SUPT3H: variants seen among roughly 807,000 people sequenced by gnomAD.
SUPT3H encodes the protein transcription initiation protein SPT3 homolog.
Under a neutral mutation model 44.3 loss-of-function variants are expected in SUPT3H, and 44 were observed. The ratio of observed to expected loss-of-function variants is 0.99; its 90% confidence interval spans 0.78 to 1.28. SUPT3H has a LOEUF of 1.28. Among genes scored for constraint, SUPT3H ranks in the 50% most tolerant of loss-of-function variants. The pLI, the probability that SUPT3H is intolerant of heterozygous loss-of-function variation, is 0.00. For missense variants in SUPT3H, 380 were observed against 387.1 expected (o/e 0.98, Z 0.15); for synonymous variants, 124 against 125.6 (o/e 0.99, Z 0.09).
At chr6:45,036,882 GA>G (rs1286963743) in intron 3 of SUPT3H, among the ~76,000 whole-genome samples, 1 of 152,108 alleles carries the variant, frequency 6.6e-6, no homozygotes, top group Non-Finnish European at 1.5e-5. Context: ...CAGAATAGAG[GA>G]AGTCCCCAAG....
At chr6:45,081,820 T>C (rs1303703089) in intron 3 of SUPT3H, among the ~76,000 whole-genome samples, 1 of 152,014 alleles carries the variant, frequency 6.6e-6, no homozygotes, top group African/African-American at 2.4e-5. Context: ...CAGAAACAAT[T>C]CTAAAAGAAC....
At chr6:45,271,751 A>G (rs1776206004) in intron 2 of SUPT3H, among the ~76,000 whole-genome samples, 1 of 152,190 alleles carries the variant, frequency 6.6e-6, no homozygotes, top group Non-Finnish European at 1.5e-5. Flanking sequence ...TGACAGATGC[A>G]TGGACACCTT....
intron 2 of SUPT3H, among the ~76,000 whole-genome samples, chr6:45,305,943 G>C (rs1239628126): frequency 6.6e-6 from 1 of 152,162 alleles, no homozygotes; most frequent in Non-Finnish European, 1.5e-5. Context: ...CTATCACACA[G>C]AGCTAGGCCC....
intron 2 of SUPT3H, among the ~76,000 whole-genome samples, chr6:45,341,106 A>T (rs1789681226): frequency 6.6e-6 from 1 of 152,194 alleles, no homozygotes; most frequent in African/African-American, 2.4e-5. Context: ...CTAAGAAGTA[A>T]ATCCTTGACA....
intron 2 of SUPT3H, among the ~76,000 whole-genome samples, chr6:45,243,039 C>CA (rs1237316004): frequency 3.3e-5 from 5 of 151,552 alleles, no homozygotes; most frequent in Non-Finnish European, 7.4e-5. Context: ...ACTAAAAATA[C>CA]AAAAATTAGC....
At chr6:45,228,561 A>T (rs1489824851) in intron 2 of SUPT3H, among the ~76,000 whole-genome samples, 1 of 152,180 alleles carries the variant, frequency 6.6e-6, no homozygotes, top group East Asian at 1.9e-4. Flanking sequence ...TCTTTATAAT[A>T]AATCTCTTTC....
intron 10 of SUPT3H, among the ~76,000 whole-genome samples, chr6:44,884,060 A>G (rs928283709): frequency 3.3e-5 from 5 of 152,232 alleles, no homozygotes; most frequent in Non-Finnish European, 7.3e-5. Context: ...GAAACTCATC[A>G]GAGTGAACAG....
chr6:45,285,472 G>A (rs527871905), intron 2 of SUPT3H, among the ~76,000 whole-genome samples: 2,192 of 151,866 alleles, frequency 0.014, 28 homozygotes, highest in Non-Finnish European at 0.022. Context: ...GAGCCAAATC[G>A]TGAGTGAACT....
intron 2 of SUPT3H, among the ~76,000 whole-genome samples, chr6:45,199,797 A>C (rs1762186126): frequency 6.6e-6 from 1 of 151,478 alleles, no homozygotes; most frequent in Admixed American, 6.6e-5. Flanking sequence ...TTCATAATTC[A>C]GAAATGTTTT....
At chr6:45,227,668 C>A (rs966635263) in intron 2 of SUPT3H, among the ~76,000 whole-genome samples, 1 of 152,110 alleles carries the variant, frequency 6.6e-6, no homozygotes, top group Non-Finnish European at 1.5e-5. Context: ...ACTGGTTTCC[C>A]AGTGAGACAG....
intron 10 of SUPT3H, among the ~76,000 whole-genome samples, chr6:44,885,298 C>T (rs572790220): frequency 5.3e-5 from 8 of 151,860 alleles, no homozygotes; most frequent in Admixed American, 6.6e-5. Context: ...GATCTGAGAA[C>T]GGGCAGACTG....
In SUPT3H at chr6:45,337,696, A is replaced by G. The variant is rs1788868500; in HGVS notation, c.101+27505T>C. The stretch of plus-strand genomic sequence containing the variant: ...GCAAAACATTTTGAATGTATTTATA[A>G]TATGATACACTTCTAGAAGCCATGA... On this transcript the variant is annotated intron_variant, in intron 2 of 10. Coordinates refer to ENST00000371459, the MANE Select transcript of SUPT3H (RefSeq NM_003599.4). Among the ~76,000 whole-genome samples the G allele has an allele frequency of 2.0e-5, 3 of 151,866 alleles. No individual in the cohort carries two copies. The South Asian group carries it at 6.2e-4, about 31-fold the overall frequency.
intron 10 of SUPT3H, among the ~76,000 whole-genome samples, chr6:44,880,941 G>A (rs1312703371): frequency 5.3e-5 from 8 of 152,056 alleles, no homozygotes; most frequent in Admixed American, 2.6e-4. Context: ...ATATGGAAAG[G>A]AACAACCAGT....
intron 3 of SUPT3H, among the ~76,000 whole-genome samples, chr6:45,091,749 C>A (rs1797148045): frequency 6.6e-6 from 1 of 151,876 alleles, no homozygotes; most frequent in Admixed American, 6.6e-5. Context: ...TCCCTTAATT[C>A]CTTAAGGATA....
In SUPT3H at chr6:45,068,977, C is replaced by CAA. The variant is rs367995110; in HGVS notation, c.186+36943_186+36944dup. ...TGCTTGCTTGTGGAGTTTTACTTTG[C>CAA]AAAAAAAAAAAAATAAAAAAAATAA... On this transcript the variant is annotated intron_variant, in intron 3 of 10. Coordinates refer to ENST00000371459, the MANE Select transcript of SUPT3H (RefSeq NM_003599.4). 6.0e-3 allele frequency among the ~76,000 whole-genome samples: 670 copies of CAA among 111,146 alleles called. 6 individuals carry two copies. The highest frequency in any genetic ancestry group is 6.0e-3 in the Non-Finnish European group (309 of 51,330). 72.9% of individuals were successfully genotyped at this position (111,146 alleles called of 152,430 possible).
At chr6:45,328,402 TG>T (rs1397673848) in intron 2 of SUPT3H, 1 of 1,415,852 alleles carries the variant, frequency 7.1e-7, no homozygotes, top group Admixed American at 1.9e-5. Context: ...AAGAAGTCTC[TG>T]GTTTTTAAAT....
At chr6:45,224,991 A>G (rs1260522190) in intron 2 of SUPT3H, among the ~76,000 whole-genome samples, 1 of 152,066 alleles carries the variant, frequency 6.6e-6, no homozygotes, top group Non-Finnish European at 1.5e-5. Flanking sequence ...CTAAAAATAT[A>G]CAATCTGCCA....
intron 1 of SUPT3H, among the ~76,000 whole-genome samples, chr6:45,365,747 T>G (rs1224574133): frequency 1.3e-5 from 2 of 150,444 alleles, no homozygotes; most frequent in African/African-American, 4.9e-5. Flanking sequence ...ATATGAAGGT[T>G]CCAAGTAAGA....
intron 2 of SUPT3H, among the ~76,000 whole-genome samples, chr6:45,148,421 C>A (rs902225483): frequency 1.8e-4 from 28 of 152,144 alleles, no homozygotes; most frequent in Non-Finnish European, 3.7e-4. Context: ...CCCAATCCAA[C>A]TGATACATTA....
Sources: gnomAD v4.1 joint callset for allele counts (sites outside exome capture counted in the v4.1 genomes callset) on GRCh38, gnomAD v4.1.1 for gene constraint, MANE v1.5 for transcripts, NCBI Gene and HGNC (gene_info 2026-07-23, HGNC 2026-07-21) for gene names.